Variants in SLC10A2 observed in about 807,000 individuals in gnomAD.
The protein encoded by SLC10A2 is ileal sodium/bile acid cotransporter.
SLC10A2 carries 34 observed loss-of-function variants against 27.1 expected under a neutral mutation model. The ratio of observed to expected loss-of-function variants is 1.26; its 90% CI spans 0.96 to 1.67. SLC10A2 has a LOEUF of 1.67. Ranked by LOEUF, SLC10A2 falls within the 40% of genes most tolerant of loss-of-function variation. The probability of loss-of-function intolerance (pLI) is 0.00; values close to 1 mark genes in which losing one functional copy is unlikely to be tolerated. For synonymous variants in SLC10A2, 205 were observed against 174.0 expected (o/e 1.18, Z -1.40); for missense variants, 530 against 444.4 (o/e 1.19, Z -1.73).
intron 3 of SLC10A2, 70 bp downstream of exon 3, chr13:103,052,550 C>T: frequency 9.0e-7 from 1 of 1,107,938 alleles, no homozygotes; most frequent in Non-Finnish European, 1.4e-6. Flanking sequence ...GAAACCATTT[C>T]ATGGATGGAA....
At chr13:103,053,769 C>G (rs1457453879) in intron 2 of SLC10A2, among the ~76,000 whole-genome samples, 1 of 151,998 alleles carries the variant, frequency 6.6e-6, no homozygotes, top group African/African-American at 2.4e-5. Context: ...AGTCTTCTAG[C>G]CCTCCTGGCA....
At chr13:103,047,669 T>G (rs1428694921) in intron 5 of SLC10A2, among the ~76,000 whole-genome samples, 3 of 152,060 alleles carry the variant, frequency 2.0e-5, no homozygotes, top group African/African-American at 7.2e-5. Flanking sequence ...TTAACAAAGA[T>G]TCCTCCCTTA....
chr13:103,059,855 C>T (rs966111991), intron 1 of SLC10A2, among the ~76,000 whole-genome samples: 4 of 152,134 alleles, frequency 2.6e-5, no homozygotes, highest in Non-Finnish European at 5.9e-5. Flanking sequence ...GCCCAAGTGA[C>T]CCTAGCTTGG....
chr13:103,058,857 A>G (rs1162849252), intron 1 of SLC10A2, among the ~76,000 whole-genome samples: 1 of 152,192 alleles, frequency 6.6e-6, no homozygotes, highest in Non-Finnish European at 1.5e-5. Context: ...CCAGTCTATC[A>G]TTGATGGGCA....
intron 2 of SLC10A2, among the ~76,000 whole-genome samples, chr13:103,055,214 TA>T (rs1192728763): frequency 2.0e-5 from 3 of 152,184 alleles, no homozygotes; most frequent in African/African-American, 7.2e-5. Flanking sequence ...TTGTGAGAAT[TA>T]AATGATGAAA....
intron 2 of SLC10A2, among the ~76,000 whole-genome samples, chr13:103,058,037 C>T (rs1437376575): frequency 6.6e-6 from 1 of 152,086 alleles, no homozygotes; most frequent in African/African-American, 2.4e-5. Context: ...GGCTCCTTTC[C>T]CTGGTGATTC....
At chr13:103,063,948 G>A (rs1310261206) in intron 1 of SLC10A2, among the ~76,000 whole-genome samples, 7 of 152,208 alleles carry the variant, frequency 4.6e-5, no homozygotes, top group Admixed American at 2.0e-4. Context: ...GCAGGCATTT[G>A]ATCTTCTCTT....
intron 2 of SLC10A2, among the ~76,000 whole-genome samples, chr13:103,053,418 TAA>T (rs1280574193): frequency 6.6e-6 from 1 of 152,190 alleles, no homozygotes; most frequent in Non-Finnish European, 1.5e-5. Flanking sequence ...CCTGGCCAGA[TAA>T]AAGAGTCATA....
chr13:103,047,018 T>C lies in SLC10A2; in HGVS notation c.920-758A>G, dbSNP rs574529958. 1.5e-4 allele frequency among the ~76,000 whole-genome samples: 23 copies of C among 152,302 alleles called. 1 individual carries two copies. Among genetic ancestry groups the C allele is most frequent in the Non-Finnish European group, 3.1e-4 (21 of 68,018 alleles). On this transcript the variant is annotated intron_variant, in intron 5 of 5. Transcript: ENST00000245312. Reference sequence around the variant, plus strand: ...CTATTCTGTTATCTGAATATCTGATTTTTCTTCTACTTCTCAATTGGTCAC... The same window carrying C: ...CTATTCTGTTATCTGAATATCTGATCTTTCTTCTACTTCTCAATTGGTCAC...
chr13:103,053,131 G>T (rs1257669228), intron 2 of SLC10A2, among the ~76,000 whole-genome samples: 4 of 136,824 alleles, frequency 2.9e-5, no homozygotes, highest in Non-Finnish European at 1.6e-5. Context: ...TGTGTGTATG[G>T]CATACAAAGA....
At chr13:103,063,444 G>A (rs1372136803) in intron 1 of SLC10A2, among the ~76,000 whole-genome samples, 1 of 152,138 alleles carries the variant, frequency 6.6e-6, no homozygotes, top group Non-Finnish European at 1.5e-5. Flanking sequence ...GAGTTCAAGT[G>A]GAGATGGAGA....
At chr13:103,047,730 T>C (rs915110158) in intron 5 of SLC10A2, among the ~76,000 whole-genome samples, 3 of 152,118 alleles carry the variant, frequency 2.0e-5, no homozygotes, top group Non-Finnish European at 4.4e-5. Flanking sequence ...AGTTGAGTGC[T>C]CCCTTTTCCT....
At chr13:103,060,451 C>T (rs1330958813) in intron 1 of SLC10A2, among the ~76,000 whole-genome samples, 5 of 147,332 alleles carry the variant, frequency 3.4e-5, no homozygotes, top group African/African-American at 1.3e-4. Flanking sequence ...GGGTCACCAA[C>T]TTGGCTCACT....
intron 2 of SLC10A2, 40 bp downstream of exon 2, chr13:103,058,224 T>C: frequency 8.6e-7 from 1 of 1,163,646 alleles, no homozygotes; most frequent in Non-Finnish European, 1.3e-6. Flanking sequence ...GCAGAGAGTT[T>C]GAGGGTAACA....
At chr13:103,054,045 T>A (rs76053127) in intron 2 of SLC10A2, among the ~76,000 whole-genome samples, 3,949 of 152,186 alleles carry the variant, frequency 0.026, 73 homozygotes, top group African/African-American at 0.039. Context: ...TGAATTATAA[T>A]CCCCAGTTGG....
At chr13:103,062,402 T>A (rs1282943868) in intron 1 of SLC10A2, among the ~76,000 whole-genome samples, 2 of 152,246 alleles carry the variant, frequency 1.3e-5, no homozygotes, top group Non-Finnish European at 2.9e-5. Context: ...ATAATAGTAC[T>A]AACTTTAGAG....
At chr13:103,047,493 C>A (rs1289554870) in intron 5 of SLC10A2, among the ~76,000 whole-genome samples, 1 of 151,530 alleles carries the variant, frequency 6.6e-6, no homozygotes, top group Non-Finnish European at 1.5e-5. Context: ...ATCCCTTTTT[C>A]TTTCCCTCCC....
chr13:103,064,707 T>A lies in SLC10A2; in HGVS notation c.377+1166A>T, dbSNP rs541727571. ...GGTTCACAGATTAACTAAACCTGAA[T>A]AGCACTTGCCATCCTATGTTGTTTT... is the stretch of plus-strand genomic sequence containing the variant. On this transcript the variant is annotated intron_variant, in intron 1 of 5. Transcript: ENST00000245312. Among the ~76,000 whole-genome samples the A allele has an allele frequency of 2.0e-5, 3 of 151,452 alleles. No homozygotes were observed. In the South Asian group the frequency reaches 6.3e-4, roughly 32 times the overall value.
chr13:103,050,017 G>T (rs1038867546), intron 4 of SLC10A2, among the ~76,000 whole-genome samples: 2 of 151,710 alleles, frequency 1.3e-5, no homozygotes, highest in Middle Eastern at 3.2e-3. Context: ...AATTAGCCAG[G>T]CAAGGTGGTG....
Sources: gnomAD v4.1 joint callset for allele counts (sites outside exome capture counted in the v4.1 genomes callset) on GRCh38, gnomAD v4.1.1 for gene constraint, MANE v1.5 for transcripts, NCBI Gene and HGNC (gene_info 2026-07-23, HGNC 2026-07-21) for gene names.